The following HYDIN variants were observed in gnomAD, a reference collection of about 807,000 sequenced individuals.
The protein encoded by HYDIN is HYDIN axonemal central pair apparatus protein.
A neutral mutation model predicts 403.9 loss-of-function variants in HYDIN; 132 were observed. The observed-to-expected ratio is 0.33, with a 90% CI of 0.28 to 0.38. The LOEUF (loss-of-function observed/expected upper bound fraction) is 0.38, where lower values mean the gene tolerates loss of function less well. HYDIN is among the 10% of genes least tolerant of loss of function. The pLI is 1.00. For synonymous variants in HYDIN, 1,202 were observed against 1,891.7 expected (o/e 0.64, Z 9.46); for missense variants, 2,827 against 5,009.5 (o/e 0.56, Z 13.15).
intron 10 of HYDIN, among the ~76,000 whole-genome samples, chr16:71,100,193 C>A (rs887644354): frequency 6.6e-6 from 1 of 151,886 alleles, no homozygotes; most frequent in Admixed American, 6.6e-5. Flanking sequence ...AACTTCAAAG[C>A]AAAAGTTGTA....
chr16:71,096,543 TATTTG>T (rs2083283498), intron 10 of HYDIN, among the ~76,000 whole-genome samples: 2 of 151,828 alleles, frequency 1.3e-5, no homozygotes, highest in South Asian at 2.1e-4. Flanking sequence ...TCAGATATTT[TATTTG>T]ATTTATCTAA....
chr16:70,847,546 G>A (rs2038297703), intron 75 of HYDIN, among the ~76,000 whole-genome samples: 1 of 151,634 alleles, frequency 6.6e-6, no homozygotes, highest in Non-Finnish European at 1.5e-5. Context: ...TTTTTAAATT[G>A]TTCCCCAAAA....
chr16:71,199,492 T>C (rs1384347206), intron 1 of HYDIN, among the ~76,000 whole-genome samples: 1 of 152,182 alleles, frequency 6.6e-6, no homozygotes, highest in African/African-American at 2.4e-5. Flanking sequence ...AATTTTCATG[T>C]GCTCTCAGGG....
intron 58 of HYDIN, 78 bp from the exon 59 acceptor site, chr16:70,884,202 G>A (rs1326276313): frequency 1.5e-6 from 2 of 1,327,198 alleles, no homozygotes; most frequent in African/African-American, 3.1e-5. Flanking sequence ...CTGTTAGATG[G>A]TGTGGAGAGG....
chr16:71,043,994 G>T lies in HYDIN; in HGVS notation c.2530-12077C>A, dbSNP rs12051329. Reference sequence around the variant, plus strand: ...AGAGGTGGAGAGAGAGAGAGAAAAAGAGAGAGAAAGAAAGAAAGCAAGCAA... The same window carrying T: ...AGAGGTGGAGAGAGAGAGAGAAAAATAGAGAGAAAGAAAGAAAGCAAGCAA... On this transcript the variant is annotated intron_variant, in intron 18 of 85. Transcript: ENST00000393567. 1.3e-4 allele frequency among the ~76,000 whole-genome samples: 20 copies of T among 152,094 alleles called. No individual in the cohort carries two copies. In the South Asian group the frequency reaches 4.2e-3, roughly 32 times the overall value.
intron 75 of HYDIN, among the ~76,000 whole-genome samples, chr16:70,842,680 A>G (rs2037909066): frequency 2.0e-5 from 3 of 151,818 alleles, no homozygotes; most frequent in African/African-American, 7.3e-5. Context: ...TATTCTGCCA[A>G]TTTTTATCTT....
chr16:71,218,472 G>A (rs2089008328), intron 1 of HYDIN, among the ~76,000 whole-genome samples: 1 of 152,164 alleles, frequency 6.6e-6, no homozygotes, highest in Admixed American at 6.5e-5. Context: ...CTGGGGAGGA[G>A]GAAAAGCTAT....
intron 42 of HYDIN, 137 bp downstream of exon 42, chr16:70,943,674 CA>C: frequency 9.5e-6 from 12 of 1,266,540 alleles, no homozygotes; most frequent in Non-Finnish European, 1.3e-5. Context: ...CAAGAGCTGT[CA>C]AAAAGACAAG....
At chr16:70,819,532 A>G (rs2036086640) in intron 83 of HYDIN, among the ~76,000 whole-genome samples, 1 of 143,908 alleles carries the variant, frequency 6.9e-6, no homozygotes, top group East Asian at 2.0e-4. Flanking sequence ...CAGAGCTCAC[A>G]CTTGTAACGA....
chr16:71,064,032 A>C (rs2082176255), intron 16 of HYDIN, among the ~76,000 whole-genome samples: 1 of 127,422 alleles, frequency 7.8e-6, no homozygotes, highest in Non-Finnish European at 1.8e-5. Context: ...ATAAACCCCC[A>C]TATGACATTT....
In HYDIN at chr16:71,230,570, A is replaced by C. The variant is rs2041237303; in HGVS notation, c.-32T>G. The C allele has an allele frequency of 6.5e-7, 1 of 1,534,748 alleles. No homozygotes were observed. The highest frequency in any genetic ancestry group is 1.4e-5 in the African/African-American group (1 of 72,926). ...CTGCGAGGACCTCTGACCTTGGTGCACTCCGGGTCCCACGTTTATTCTACC... is the reference window on the plus strand; with the variant it reads ...CTGCGAGGACCTCTGACCTTGGTGCCCTCCGGGTCCCACGTTTATTCTACC... On this transcript the variant is annotated 5_prime_UTR_variant, in exon 1 of 86. Coordinates refer to ENST00000393567, the MANE Select transcript of HYDIN (RefSeq NM_001270974.2).
intron 36 of HYDIN, among the ~76,000 whole-genome samples, chr16:70,967,270 G>T (rs1016900220): frequency 2.0e-5 from 3 of 151,996 alleles, no homozygotes; most frequent in Non-Finnish European, 4.4e-5. Context: ...CTGTTAGTAG[G>T]AATATTGATA....
chr16:71,026,681 T>C (rs903810004), intron 20 of HYDIN, among the ~76,000 whole-genome samples: 1 of 152,272 alleles, frequency 6.6e-6, no homozygotes, highest in African/African-American at 2.4e-5. Context: ...CAATGAGAGA[T>C]AACCTCCCCT....
In HYDIN at chr16:70,879,679, G is replaced by A. The variant is rs766155148; in HGVS notation, c.10293C>T (p.Ala3431=). The change falls in exon 61 of 86, where the codon GCC becomes GCT. Residue 3431 remains alanine (A), a synonymous_variant. Transcript: ENST00000393567. ...MCIASHSHAF[A]TVSFTPQIMQ... ...TGATCTGCGGGGTGAAGGACACCGT[G>A]GCAAAGGCATGGGAATGACTGGCAA... is the stretch of plus-strand genomic sequence containing the variant. The A allele has an allele frequency of 3.9e-6, 6 of 1,536,862 alleles. No homozygotes were observed. The Admixed American group carries it at 6.8e-5, about 17-fold the overall frequency.
chr16:70,932,661 C>T (rs1010382154), intron 45 of HYDIN, among the ~76,000 whole-genome samples: 1 of 152,170 alleles, frequency 6.6e-6, no homozygotes, highest in African/African-American at 2.4e-5. Context: ...AATAGAGTGG[C>T]CAGGGAAGGC....
intron 5 of HYDIN, among the ~76,000 whole-genome samples, chr16:71,174,293 T>C (rs561775707): frequency 6.6e-6 from 1 of 152,216 alleles, no homozygotes; most frequent in African/African-American, 2.4e-5. Flanking sequence ...CTATCCTTGC[T>C]CTCCAGAAAA....
chr16:71,194,909 T>C (rs1205918267), intron 1 of HYDIN, among the ~76,000 whole-genome samples: 3 of 152,152 alleles, frequency 2.0e-5, no homozygotes, highest in Non-Finnish European at 4.4e-5. Flanking sequence ...GCTGCTTGAG[T>C]GTCCTCAAAG....
rs1037455810 is a variant in HYDIN at position 71,212,168 on chromosome 16, G to T, written c.-24+18394C>A. ...CATTATTGAAAAATCAGAAAAATAT[G>T]AATATGGATTGTAAATTAGATAATA... is the stretch of plus-strand genomic sequence containing the variant. On this transcript the variant is annotated intron_variant, in intron 1 of 85. Transcript: ENST00000393567. Among the ~76,000 whole-genome samples, 3 of 152,278 alleles carry T rather than the reference G, an allele frequency of 2.0e-5. No homozygotes were observed. The East Asian group carries it at 5.8e-4, about 29-fold the overall frequency.
chr16:71,220,034 A>G (rs1047635050), intron 1 of HYDIN, among the ~76,000 whole-genome samples: 1 of 152,202 alleles, frequency 6.6e-6, no homozygotes, highest in Non-Finnish European at 1.5e-5. Flanking sequence ...TTTGTGGTCC[A>G]GGTCCTACTG....
Sources: gnomAD v4.1 joint callset for allele counts (sites outside exome capture counted in the v4.1 genomes callset) on GRCh38, gnomAD v4.1.1 for gene constraint, MANE v1.5 for transcripts, NCBI Gene and HGNC (gene_info 2026-07-23, HGNC 2026-07-21) for gene names.